MAGI2: variants seen among roughly 807,000 people sequenced by gnomAD.
MAGI2 encodes the protein membrane associated guanylate kinase, WW and PDZ domain containing 2.
MAGI2 carries 35 observed loss-of-function variants against 133.3 expected under a neutral mutation model. That is an observed-to-expected ratio of 0.26 (90% CI 0.20 to 0.35). MAGI2 has a LOEUF of 0.35. MAGI2 is among the 10% of genes least tolerant of loss of function. The pLI, the probability that MAGI2 is intolerant of heterozygous loss-of-function variation, is 1.00. For synonymous variants in MAGI2, 729 were observed against 710.6 expected (o/e 1.03, Z -0.41); for missense variants, 1,636 against 1,863.4 (o/e 0.88, Z 2.25).
intron 21 of MAGI2, among the ~76,000 whole-genome samples, chr7:78,023,111 C>T (rs1301787523): frequency 1.3e-5 from 2 of 152,018 alleles, no homozygotes; most frequent in African/African-American, 2.4e-5. Flanking sequence ...TGCAAAGCTC[C>T]AGGCACGAGC....
At chr7:79,360,748 C>G (rs1842329453) in intron 1 of MAGI2, among the ~76,000 whole-genome samples, 1 of 151,844 alleles carries the variant, frequency 6.6e-6, no homozygotes, top group Non-Finnish European at 1.5e-5. Context: ...GAGATTATAT[C>G]CTTAAAATTG....
intron 6 of MAGI2, among the ~76,000 whole-genome samples, chr7:78,379,227 AC>A: frequency 6.6e-6 from 1 of 152,156 alleles, no homozygotes. Flanking sequence ...TAGAGTTCAA[AC>A]CAAACATAGA....
intron 1 of MAGI2, among the ~76,000 whole-genome samples, chr7:79,424,405 G>C (rs1052107715): frequency 6.6e-5 from 10 of 151,930 alleles, no homozygotes; most frequent in Admixed American, 1.3e-4. Flanking sequence ...GTGAGAGGCT[G>C]GTGGTTAGTG....
intron 2 of MAGI2, among the ~76,000 whole-genome samples, chr7:78,659,906 C>A (rs894198420): frequency 6.6e-6 from 1 of 152,034 alleles, no homozygotes; most frequent in African/African-American, 2.4e-5. Flanking sequence ...TAGTATTTAA[C>A]AATGACCCTA....
chr7:78,152,539 T>G (rs1378826995), intron 16 of MAGI2, among the ~76,000 whole-genome samples: 1 of 152,224 alleles, frequency 6.6e-6, no homozygotes, highest in African/African-American at 2.4e-5. Context: ...CCTTAGCCCC[T>G]GGCTACCTCA....
intron 3 of MAGI2, among the ~76,000 whole-genome samples, chr7:78,593,947 C>G (rs1363064936): frequency 3.9e-5 from 6 of 152,134 alleles, no homozygotes; most frequent in Non-Finnish European, 8.8e-5. Context: ...GTTAAAGATA[C>G]ATATTCTCAA....
chr7:78,438,628 T>C (rs535679140), intron 6 of MAGI2, among the ~76,000 whole-genome samples: 2 of 152,296 alleles, frequency 1.3e-5, no homozygotes, highest in African/African-American at 4.8e-5. Context: ...AGTGATTCTG[T>C]ACTCACTCCA....
intron 2 of MAGI2, among the ~76,000 whole-genome samples, chr7:78,924,704 C>A (rs1026790822): frequency 2.6e-5 from 4 of 151,998 alleles, no homozygotes; most frequent in Non-Finnish European, 5.9e-5. Flanking sequence ...ATGATGCTGG[C>A]CTCATAAATG....
At chr7:78,400,096 A>C (rs1315361216) in intron 6 of MAGI2, among the ~76,000 whole-genome samples, 1 of 152,166 alleles carries the variant, frequency 6.6e-6, no homozygotes, top group Non-Finnish European at 1.5e-5. Flanking sequence ...CTGCCTCACC[A>C]TTGTTTTTCT....
At position 78,471,858 on chromosome 7, in the gene MAGI2, G is replaced by C. The variant is rs1321730679; in HGVS notation, c.1045+17903C>G. 2.6e-5 allele frequency among the ~76,000 whole-genome samples: 4 copies of C among 152,070 alleles called. No individual in the cohort carries two copies. In the South Asian group the frequency reaches 8.3e-4, roughly 32 times the overall value. On this transcript the variant is annotated intron_variant, in intron 6 of 21. Transcript: ENST00000354212. ...GAGAATCACTTGAACTCAGGAGATG[G>C]AGGTTGCAGTGAGCCTAGATTGCAC...
chr7:79,415,847 A>G (rs1180476881), intron 1 of MAGI2, among the ~76,000 whole-genome samples: 1 of 152,166 alleles, frequency 6.6e-6, no homozygotes, highest in East Asian at 1.9e-4. Flanking sequence ...TTGAGAAAAA[A>G]AGAATAAACT....
intron 9 of MAGI2, among the ~76,000 whole-genome samples, chr7:78,279,611 C>T (rs798332): frequency 0.72 from 109,069 of 151,900 alleles, 39,956 homozygotes; most frequent in African/African-American, 0.87. Flanking sequence ...TGAAACCAAA[C>T]TGATAGGCCT....
chr7:78,763,472 C>T (rs898943525), intron 2 of MAGI2, among the ~76,000 whole-genome samples: 43 of 152,260 alleles, frequency 2.8e-4, no homozygotes, highest in African/African-American at 8.7e-4. Flanking sequence ...TTAGCACACA[C>T]TGAGAGAGTA....
intron 2 of MAGI2, among the ~76,000 whole-genome samples, chr7:78,799,128 C>A (rs1235593579): frequency 6.6e-6 from 1 of 152,100 alleles, no homozygotes; most frequent in East Asian, 1.9e-4. Context: ...TTGCTGGTGT[C>A]CCTTTTATGT....
At chr7:78,695,355 C>T (rs1210316560) in intron 2 of MAGI2, among the ~76,000 whole-genome samples, 1 of 152,242 alleles carries the variant, frequency 6.6e-6, no homozygotes, top group African/African-American at 2.4e-5. Flanking sequence ...CACTGACAGT[C>T]ACATTTACAA....
At chr7:79,123,785 C>CAAAAAA (rs71095377) in intron 1 of MAGI2, among the ~76,000 whole-genome samples, 2 of 60,760 alleles carry the variant, frequency 3.3e-5, no homozygotes, top group African/African-American at 6.8e-5. Context: ...GACTCCATCT[C>CAAAAAA]AAAAAAAAAA....
At chr7:78,939,458 G>T (rs1283985807) in intron 2 of MAGI2, among the ~76,000 whole-genome samples, 1 of 152,118 alleles carries the variant, frequency 6.6e-6, no homozygotes, top group Non-Finnish European at 1.5e-5. Flanking sequence ...ATGGTAGGCA[G>T]CTCCATTTGT....
intron 2 of MAGI2, among the ~76,000 whole-genome samples, chr7:78,728,478 A>T (rs1233586519): frequency 2.0e-5 from 3 of 149,454 alleles, no homozygotes; most frequent in Non-Finnish European, 4.4e-5. Flanking sequence ...AACACTCTTG[A>T]CCTAGTACCA....
At chr7:78,370,822 A>G (rs1585033779) in intron 6 of MAGI2, among the ~76,000 whole-genome samples, 1 of 152,030 alleles carries the variant, frequency 6.6e-6, no homozygotes, top group Admixed American at 6.6e-5. Flanking sequence ...TGGGGAAAGC[A>G]GTTTATAATT....
Sources: gnomAD v4.1 joint callset for allele counts (sites outside exome capture counted in the v4.1 genomes callset) on GRCh38, gnomAD v4.1.1 for gene constraint, MANE v1.5 for transcripts, NCBI Gene and HGNC (gene_info 2026-07-23, HGNC 2026-07-21) for gene names.